The following KDM3B variants were observed in gnomAD, a reference collection of about 807,000 sequenced individuals.
KDM3B encodes lysine demethylase 3B.
In KDM3B, 10 loss-of-function variants were observed where a neutral mutation model predicts 170.0. That is an observed-to-expected ratio of 0.06 (90% confidence interval 0.04 to 0.10). The LOEUF is 0.10. KDM3B is among the 10% of genes least tolerant of loss of function. KDM3B has a pLI of 1.00. For missense variants in KDM3B, 1,394 were observed against 2,195.2 expected (o/e 0.64, Z 7.29); for synonymous variants, 831 against 834.8 (o/e 1.00, Z 0.08).
chr5:138,377,889 A>C, intron 4 of KDM3B, 64 bp downstream of exon 4: 15 of 1,186,350 alleles, frequency 1.3e-5, no homozygotes, highest in East Asian at 2.4e-5. Context: ...GTTGAGTGAT[A>C]GTATGGAATC....
rs201751750 is a variant in KDM3B at position 138,431,564 on chromosome 5, A to G, written c.5205+5A>G. 10 of 1,600,740 alleles carry G rather than the reference A, an allele frequency of 6.2e-6. No homozygotes were observed. The African/African-American group carries it at 9.4e-5, about 15-fold the overall frequency. ...AATCATGAGGATAAACTGCAGGTAA[A>G]TAACTCCTCCCTCTACCCCACTCTG... On this transcript the variant is annotated splice_donor_5th_base_variant and intron_variant, in intron 23 of 23. Transcript: ENST00000314358.
At chr5:138,417,352 T>C in intron 12 of KDM3B, 131 bp from the exon 13 acceptor site, 2 of 875,734 alleles carry the variant, frequency 2.3e-6, no homozygotes, top group Non-Finnish European at 3.4e-6. Context: ...CATCAAAAAT[T>C]GAAGTAAAAG....
chr5:138,428,311 A>G (rs998055901), intron 20 of KDM3B, among the ~76,000 whole-genome samples: 2 of 151,818 alleles, frequency 1.3e-5, no homozygotes, highest in Non-Finnish European at 2.9e-5. Flanking sequence ...TCCCACGTTC[A>G]AGCGATTCTC....
chr5:138,390,413 G>A (rs1484730394), intron 7 of KDM3B, among the ~76,000 whole-genome samples: 1 of 152,086 alleles, frequency 6.6e-6, no homozygotes, highest in Admixed American at 6.6e-5. Flanking sequence ...CAACTTGTAG[G>A]TTGACTTGAA....
chr5:138,388,112 T>C (rs1160631469), intron 7 of KDM3B, among the ~76,000 whole-genome samples: 1 of 151,864 alleles, frequency 6.6e-6, no homozygotes, highest in Non-Finnish European at 1.5e-5. Flanking sequence ...AACAACTCCA[T>C]GTCAAAGGCA....
At chr5:138,388,807 G>A (rs896481382) in intron 7 of KDM3B, among the ~76,000 whole-genome samples, 1 of 152,076 alleles carries the variant, frequency 6.6e-6, no homozygotes, top group African/African-American at 2.4e-5. Context: ...GCGAGACTCC[G>A]TCTCAAAAAA....
chr5:138,400,134 C>A, intron 11 of KDM3B, 122 bp downstream of exon 11: 1 of 927,724 alleles, frequency 1.1e-6, no homozygotes, highest in Non-Finnish European at 1.6e-6. Flanking sequence ...TGGCTTCATT[C>A]AACTTTGTTG....
chr5:138,407,536 C>G (rs1762854015), intron 11 of KDM3B, among the ~76,000 whole-genome samples: 1 of 152,090 alleles, frequency 6.6e-6, no homozygotes, highest in South Asian at 2.1e-4. Context: ...ATTTTCCTGG[C>G]ACGAGATGAT....
rs771317491 is a variant in KDM3B at position 138,400,008 on chromosome 5, C to T, written c.3195C>T (p.Arg1065=). 3.5e-5 allele frequency: 57 copies of T among 1,613,986 alleles called. No individual in the cohort carries two copies. Among genetic ancestry groups the T allele is most frequent in the Admixed American group, 8.3e-5 (5 of 59,988 alleles). ...DCYRLRKSRP[R]SETEEMGDEE... ...ACCGGCTCAGGAAAAGCCGGCCACG[C>T]AGTGGTAAGTAAACATTGTCCTGTG... is the stretch of plus-strand genomic sequence containing the variant. The change falls in exon 11 of 24, where the codon CGC becomes CGT. Residue 1065 remains arginine, a synonymous_variant. Coordinates refer to ENST00000314358, the MANE Select transcript of KDM3B (RefSeq NM_016604.4).
intron 7 of KDM3B, among the ~76,000 whole-genome samples, chr5:138,387,947 G>C (rs961026032): frequency 6.6e-6 from 1 of 152,018 alleles, no homozygotes; most frequent in African/African-American, 2.4e-5. Context: ...CGGGCGTGGC[G>C]GCGTGCACCT....
intron 11 of KDM3B, among the ~76,000 whole-genome samples, chr5:138,412,797 ATTG>A (rs1763007010): frequency 1.3e-5 from 2 of 151,918 alleles, no homozygotes; most frequent in African/African-American, 2.4e-5. Flanking sequence ...TTTTTTTGTT[ATTG>A]TTGTTCTGTT....
Position 138,415,220 on chromosome 5 carries a change from A to C in KDM3B, c.3288A>C (p.Thr1096=). The change falls in exon 12 of 24, where the codon ACA becomes ACC. Residue 1096 remains threonine (T), a synonymous_variant. Transcript: ENST00000314358. ...QSHEPENLMP[T]QIIPGTALYN... ...ACGAACCAGAGAATCTCATGCCCAC[A>C]CAAATTATTCCTGGCACAGGTAAGG... The C allele has an allele frequency of 6.2e-7, 1 of 1,605,974 alleles. No individual in the cohort carries two copies. Among genetic ancestry groups the C allele is most frequent in the Non-Finnish European group, 8.5e-7 (1 of 1,174,202 alleles).
intron 11 of KDM3B, among the ~76,000 whole-genome samples, chr5:138,411,437 GT>G (rs1762966540): frequency 6.6e-6 from 1 of 152,130 alleles, no homozygotes. Flanking sequence ...AACTATTCTT[GT>G]TTTATATTTA....
intron 7 of KDM3B, among the ~76,000 whole-genome samples, chr5:138,389,778 C>T (rs368932137): frequency 8.3e-6 from 1 of 120,070 alleles, no homozygotes; most frequent in Non-Finnish European, 1.7e-5. Context: ...CTCTCTCTCT[C>T]TCTCTGTGTG....
chr5:138,427,273 C>T lies in KDM3B; in HGVS notation c.4587C>T (p.Ser1529=). 6.2e-7 allele frequency: 1 copy of T among 1,614,106 alleles called. No homozygotes were observed. Among genetic ancestry groups the T allele is most frequent in the Non-Finnish European group, 8.5e-7 (1 of 1,179,938 alleles). ...GRLNLASRLP[S]YFVRPDLGPK... ...TCAATCTGGCCTCTAGGCTACCTAG[C>T]TACTTTGTAAGGCCTGATCTGGGCC... Residue 1529 remains serine (S), a synonymous_variant, in exon 19 of 24, where the codon AGC becomes AGT. Coordinates refer to ENST00000314358, the MANE Select transcript of KDM3B (RefSeq NM_016604.4).
intron 20 of KDM3B, among the ~76,000 whole-genome samples, chr5:138,429,244 G>A (rs745396548): frequency 1.1e-4 from 17 of 152,108 alleles, no homozygotes; most frequent in Non-Finnish European, 4.4e-5. Context: ...TAGAGATGGG[G>A]TGTCACCATG....
chr5:138,426,435 C>T (rs1250432719), intron 17 of KDM3B, among the ~76,000 whole-genome samples: 2 of 151,688 alleles, frequency 1.3e-5, no homozygotes, highest in East Asian at 1.9e-4. Context: ...ATTAGCCGGG[C>T]ATGGTGGCAG....
At chr5:138,388,641 TAAAAAAAAAAA>T (rs60280463) in intron 7 of KDM3B, among the ~76,000 whole-genome samples, 1 of 84,644 alleles carries the variant, frequency 1.2e-5, no homozygotes, top group Non-Finnish European at 2.3e-5. Flanking sequence ...ACTCCGTCTT[TAAAAAAAAAAA>T]AAAAAAAAAA....
chr5:138,414,012 C>T (rs1763040736), intron 11 of KDM3B, among the ~76,000 whole-genome samples: 1 of 152,074 alleles, frequency 6.6e-6, no homozygotes, highest in African/African-American at 2.4e-5. Flanking sequence ...TACATTGCTG[C>T]CATGGAATAC....
Sources: allele counts gnomAD v4.1 joint callset (sites outside exome capture counted in the v4.1 genomes callset), GRCh38; gene constraint gnomAD v4.1.1; transcripts MANE v1.5; gene names NCBI Gene and HGNC (gene_info 2026-07-23, HGNC 2026-07-21).